Variants in NACA observed in about 807,000 individuals in gnomAD.
NACA encodes nascent polypeptide-associated complex subunit alpha.
NACA carries 42 observed loss-of-function variants against 86.4 expected under a neutral mutation model. The ratio of observed to expected loss-of-function variants is 0.49; its 90% CI spans 0.38 to 0.63. NACA has a LOEUF of 0.63. NACA is among the 20% of genes least tolerant of loss of function. The probability of loss-of-function intolerance (pLI) is 0.00; values close to 1 mark genes in which losing one functional copy is unlikely to be tolerated. For missense variants in NACA, 2,157 were observed against 2,483.6 expected (o/e 0.87, Z 2.80); for synonymous variants, 898 against 973.7 (o/e 0.92, Z 1.45).
At position 56,718,430 on chromosome 12, in the gene NACA, TGGATGCCCCTTTGGGGAATG is replaced by T; in HGVS notation, c.3080_3099del (p.Pro1027HisfsTer311). 1.7e-6 allele frequency: 2 copies of T among 1,168,496 alleles called. No homozygotes were observed. Among genetic ancestry groups the T allele is most frequent in the Admixed American group, 4.1e-5 (1 of 24,310 alleles). 72.4% of individuals were successfully genotyped at this position (1,168,496 alleles called of 1,614,324 possible). On this transcript the variant is annotated frameshift_variant, in exon 3 of 9. Transcript: ENST00000454682. LOFTEE classifies it high-confidence loss of function. The stretch of plus-strand genomic sequence containing the variant: ...GAGGGAGGAGTTGCAGCTGGGGGTG[TGGATGCCCCTTTGGGGAATG>T]GGGTAGCTGCTGGACTTCCTTTGGG...
chr12:56,719,291 C>T lies in NACA; in HGVS notation c.2239G>A (p.Gly747Ser). Residue 747 changes from glycine (G) to serine (S), a missense_variant, in exon 3 of 9, where the codon GGT (glycine) becomes AGT (serine). Coordinates refer to ENST00000454682, the MANE Select transcript of NACA (RefSeq NM_001365896.1). ...PSLPPAGTPP[G>S]TKKVDGISHT... ...GAAATACCATCAACCTTTTTTGTAC[C>T]TGGAGGAGTCCCAGCTGGGGGAAGA... 3 of 1,592,540 alleles carry T rather than the reference C, an allele frequency of 1.9e-6. No homozygotes were observed. The highest frequency in any genetic ancestry group is 2.6e-6 in the Non-Finnish European group (3 of 1,166,778).
chr12:56,718,436 C>T lies in NACA; in HGVS notation c.3094G>A (p.Ala1032Thr). Residue 1032 changes from alanine (A) to threonine (T), a missense_variant, in exon 3 of 9, where the codon GCA becomes ACA. Ala to Thr is a moderately conservative substitution (Grantham distance 58). This residue lies in a region of NACA where 124 missense variants were observed against 186.5 expected (regional missense o/e 0.66). Coordinates refer to ENST00000454682, the MANE Select transcript of NACA (RefSeq NM_001365896.1). ...GGAGTTGCAGCTGGGGGTGTGGATG[C>T]CCCTTTGGGGAATGGGGTAGCTGCT... is the stretch of plus-strand genomic sequence containing the variant. ...SPAATPFPKGASTPPAATPPS... is the reference protein window; with the variant it reads ...SPAATPFPKGTSTPPAATPPS... 2.5e-6 allele frequency: 3 copies of T among 1,214,478 alleles called. No individual in the cohort carries two copies. Among genetic ancestry groups the T allele is most frequent in the Non-Finnish European group, 3.1e-6 (3 of 961,302 alleles). 75.2% of individuals were successfully genotyped at this position (1,214,478 alleles called of 1,614,324 possible).
rs1953665824 is a variant in NACA at position 56,724,743 on chromosome 12, CCGAGGGAGAGGATCCCGGGCTGGCTCT to C, written c.-2-247_-2-221del. The stretch of plus-strand genomic sequence containing the variant: ...CAGCAATTCCCACTGCATTCTCAAC[CCGAGGGAGAGGATCCCGGGCTGGCTCT>C]CGATCATGGGAGACTTCAGACGCTA... On this transcript the variant is annotated intron_variant, in intron 1 of 8. Transcript: ENST00000454682. 16 of 540,396 alleles carry C rather than the reference CCGAGGGAGAGGATCCCGGGCTGGCTCT, an allele frequency of 3.0e-5. No homozygotes were observed. The South Asian group carries it at 3.6e-4, about 12-fold the overall frequency. The allele number at this position is 540,396 out of a possible 1,614,324, so 33.5% of individuals were successfully genotyped here. A position where few individuals can be genotyped will look rare whatever the true frequency, so the allele number is the denominator to read the frequency against.
Position 56,716,506 on chromosome 12 carries a change from T to C in NACA, c.5024A>G (p.Lys1675Arg). 2.0e-6 allele frequency: 3 copies of C among 1,509,438 alleles called. No individual in the cohort carries two copies. Among genetic ancestry groups the C allele is most frequent in the Non-Finnish European group, 1.8e-6 (2 of 1,113,846 alleles). The allele number at this position is 1,509,438 out of a possible 1,614,324, so 93.5% of individuals were successfully genotyped here. ...TTCTTTCAGAGCTGTGGGGCCTTTC[T>C]TTGCTGGAAGCCCTTTAGATGCTTG... is the stretch of plus-strand genomic sequence containing the variant. ...VPQASKGLPA[K>R]KGPTALKEVL... Residue 1675 changes from lysine to arginine, a missense_variant, in exon 3 of 9, where the codon AAG (lysine) becomes AGG (arginine). Around this residue, in one of 8 missense-constraint regions of NACA, gnomAD observed 797 missense variants for 777.6 expected, o/e 1.02. Coordinates refer to ENST00000454682, the MANE Select transcript of NACA (RefSeq NM_001365896.1).
At position 56,717,275 on chromosome 12, in the gene NACA, G is replaced by A. The variant is rs768140778; in HGVS notation, c.4255C>T (p.Pro1419Ser). The A allele has an allele frequency of 7.5e-7, 1 of 1,339,810 alleles. No individual in the cohort carries two copies. Among genetic ancestry groups the A allele is most frequent in the Non-Finnish European group, 9.8e-7 (1 of 1,023,114 alleles). The allele number at this position is 1,339,810 out of a possible 1,614,324, so 83.0% of individuals were successfully genotyped here. Residue 1419 changes from proline (P) to serine (S), a missense_variant, in exon 3 of 9, where the codon CCA becomes TCA. Coordinates refer to ENST00000454682, the MANE Select transcript of NACA (RefSeq NM_001365896.1). Reference protein sequence around the residue: ...PLSPKKAPATPVTREGAATPS... With the variant: ...PLSPKKAPATSVTREGAATPS... Reference sequence around the variant, plus strand: ...GTGGCTGCGCCTTCTCTGGTGACTGGAGTTGCTGGAGCCTTTTTGGGGGAG... The same window carrying A: ...GTGGCTGCGCCTTCTCTGGTGACTGAAGTTGCTGGAGCCTTTTTGGGGGAG...
Position 56,716,050 on chromosome 12 carries a change from G to A in NACA, c.5480C>T (p.Ser1827Leu), listed in dbSNP as rs542178898. Residue 1827 changes from serine to leucine, a missense_variant, in exon 3 of 9, where the codon TCA becomes TTA. Ser to Leu is a moderately radical substitution (Grantham distance 145). This residue lies in a region of NACA where 797 missense variants were observed against 777.6 expected (regional missense o/e 1.02). Transcript: ENST00000454682. ...AGCAGGGGCAAGGGGTTTAGAGGGT[G>A]ATTCCAACACCAGCCCAGGAGAGGA... Reference protein sequence around the residue: ...LPSSPGLVLESPSKPLAPADE... With the variant: ...LPSSPGLVLELPSKPLAPADE... The A allele has an allele frequency of 8.1e-6, 13 of 1,610,836 alleles. No homozygotes were observed. The highest frequency in any genetic ancestry group is 3.3e-5 in the Admixed American group (2 of 59,922).
At position 56,721,349 on chromosome 12, in the gene NACA, C is replaced by T. The variant is rs1423285366; in HGVS notation, c.181G>A (p.Ala61Thr). Residue 61 changes from alanine (A) to threonine (T), a missense_variant, in exon 3 of 9, where the codon GCT becomes ACT. Ala to Thr is a moderately conservative substitution (Grantham distance 58, BLOSUM62 0). Coordinates refer to ENST00000454682, the MANE Select transcript of NACA (RefSeq NM_001365896.1). Reference protein sequence around the residue: ...PAPQQCPLSAANQASPFPSPS... With the variant: ...PAPQQCPLSATNQASPFPSPS... The stretch of plus-strand genomic sequence containing the variant: ...GAAGGGAATGGGGAAGCCTGGTTAG[C>T]AGCTGAGAGAGGGCACTGTTGTGGG... The T allele has an allele frequency of 6.2e-7, 1 of 1,606,306 alleles. No homozygotes were observed. The highest frequency in any genetic ancestry group is 8.5e-7 in the Non-Finnish European group (1 of 1,176,962).
chr12:56,720,440 T>C lies in NACA; in HGVS notation c.1090A>G (p.Asn364Asp), dbSNP rs765640599. ...GCCACAGTAGCAGGAACTACCTCAT[T>C]TCTGGAAGGAAGGGGAGGAATTACA... ...RSVIPPLPSR[N>D]EVVPATVAAF... The change falls in exon 3 of 9, where the codon AAT becomes GAT. Residue 364 changes from asparagine (N) to aspartate (D), a missense_variant. Physicochemically the swap from Asn to Asp is conservative, Grantham distance 23. Around this residue, in one of 8 missense-constraint regions of NACA, gnomAD observed 947 missense variants for 917.9 expected, o/e 1.03. Transcript: ENST00000454682. 1.2e-6 allele frequency: 2 copies of C among 1,613,608 alleles called. No individual in the cohort carries two copies. The highest frequency in any genetic ancestry group is 2.2e-5 in the South Asian group (2 of 91,074).
chr12:56,721,141 G>T lies in NACA; in HGVS notation c.389C>A (p.Thr130Asn), dbSNP rs1953564266. 1.2e-6 allele frequency: 2 copies of T among 1,613,748 alleles called. No homozygotes were observed. Among genetic ancestry groups the T allele is most frequent in the Non-Finnish European group, 1.7e-6 (2 of 1,179,848 alleles). The change falls in exon 3 of 9, where the codon ACC (threonine) becomes AAC (asparagine). Residue 130 changes from threonine to asparagine, a missense_variant. This residue lies in a region of NACA where 947 missense variants were observed against 917.9 expected (regional missense o/e 1.03). Transcript: ENST00000454682. The part of the protein sequence containing the change: ...SPMIAPTLKG[T>N]PSSSAPLALV... ...AGCTAAGGGAGCTGAAGAGGAAGGG[G>T]TCCCTTTCAGAGTTGGAGCTATCAT... is the stretch of plus-strand genomic sequence containing the variant.
chr12:56,714,477 A>G lies in NACA; in HGVS notation c.5746-38T>C, dbSNP rs746621448. Reference sequence around the variant, plus strand: ...AACAGCTATTAGTTAACCAGAATCTAAGATCTGGATAGCACAATCTCCTTG... The same window carrying G: ...AACAGCTATTAGTTAACCAGAATCTGAGATCTGGATAGCACAATCTCCTTG... On this transcript the variant is annotated intron_variant, in intron 4 of 8. Coordinates refer to ENST00000454682, the MANE Select transcript of NACA (RefSeq NM_001365896.1). 3.7e-6 allele frequency: 6 copies of G among 1,609,652 alleles called. No homozygotes were observed. In the South Asian group the frequency reaches 4.4e-5, roughly 12 times the overall value.
At position 56,717,390 on chromosome 12, in the gene NACA, T is replaced by G. The variant is rs1423555046; in HGVS notation, c.4140A>C (p.Gly1380=). 1.6e-6 allele frequency: 2 copies of G among 1,289,982 alleles called. No homozygotes were observed. Among genetic ancestry groups the G allele is most frequent in the African/African-American group, 3.3e-5 (2 of 60,158 alleles). The allele number at this position is 1,289,982 out of a possible 1,614,324, so 79.9% of individuals were successfully genotyped here. ...GGGAGGGAGGAGTCATAGCGGGACC[T>G]CCTTTGTGGGAGGGGGTTGCAGCTG... ...TPPAATPSHK[G]GPAMTPPSPK... The change falls in exon 3 of 9, where the codon GGA becomes GGC. Residue 1380 remains glycine, a synonymous_variant. Coordinates refer to ENST00000454682, the MANE Select transcript of NACA (RefSeq NM_001365896.1).
In NACA at chr12:56,721,329, G is replaced by GA; in HGVS notation, c.200dup (p.Ser69PhefsTer30). ...TCGAGGCAATAGTAGAGGGGGAAGG[G>GA]AATGGGGAAGCCTGGTTAGCAGCTG... On this transcript the variant is annotated frameshift_variant, in exon 3 of 9. Coordinates refer to ENST00000454682, the MANE Select transcript of NACA (RefSeq NM_001365896.1). LOFTEE classifies it high-confidence loss of function. 6.2e-7 allele frequency: 1 copy of GA among 1,610,822 alleles called. No homozygotes were observed.
In NACA at chr12:56,716,647, G is replaced by A; in HGVS notation, c.4883C>T (p.Pro1628Leu). 6.9e-7 allele frequency: 1 copy of A among 1,443,652 alleles called. No individual in the cohort carries two copies. Among genetic ancestry groups the A allele is most frequent in the Non-Finnish European group, 9.3e-7 (1 of 1,070,596 alleles). 89.4% of individuals were successfully genotyped at this position (1,443,652 alleles called of 1,614,324 possible). A position where few individuals can be genotyped will look rare whatever the true frequency, so the allele number is the denominator to read the frequency against. Reference sequence around the variant, plus strand: ...AGTCCCTTTGGGGGCTGGAGTTGCTGGGCCCTTTTCGGGGGATGGAGGAGT... The same window carrying A: ...AGTCCCTTTGGGGGCTGGAGTTGCTAGGCCCTTTTCGGGGGATGGAGGAGT... ...AVTPPSPEKG[P>L]ATPAPKGTPT... Residue 1628 changes from proline to leucine, a missense_variant, in exon 3 of 9, where the codon CCA becomes CTA. Transcript: ENST00000454682.
chr12:56,713,026 G>A (rs898609), intron 7 of NACA, 36 bp downstream of exon 7: 1,024,469 of 1,612,110 alleles, frequency 0.64, 329,568 homozygotes, highest in South Asian at 0.74. Flanking sequence ...AATGCTATAC[G>A]GCGAGAGTTA....
In NACA at chr12:56,717,295, G is replaced by C. The variant is rs575729172; in HGVS notation, c.4235C>G (p.Pro1412Arg). 2 of 1,342,994 alleles carry C rather than the reference G, an allele frequency of 1.5e-6. No homozygotes were observed. Among genetic ancestry groups the C allele is most frequent in the Admixed American group, 2.6e-5 (1 of 38,058 alleles). The allele number at this position is 1,342,994 out of a possible 1,614,324, so 83.2% of individuals were successfully genotyped here. ...GACTGGAGTTGCTGGAGCCTTTTTG[G>C]GGGAGAGAGGAATCACTGCTGGGGA... ...PTSPAVIPLSPKKAPATPVTR... is the reference protein window; with the variant it reads ...PTSPAVIPLSRKKAPATPVTR... Residue 1412 changes from proline to arginine, a missense_variant, in exon 3 of 9, where the codon CCC (proline) becomes CGC (arginine). Pro to Arg is a moderately radical substitution (Grantham distance 103). This residue lies in a region of NACA where 797 missense variants were observed against 777.6 expected (regional missense o/e 1.02). Coordinates refer to ENST00000454682, the MANE Select transcript of NACA (RefSeq NM_001365896.1).
In NACA at chr12:56,721,323, G is replaced by A. The variant is rs749881605; in HGVS notation, c.207C>T (p.Ser69=). ...AAGGGGTCGAGGCAATAGTAGAGGG[G>A]GAAGGGAATGGGGAAGCCTGGTTAG... ...SAANQASPFP[S]PSTIASTPLE... Residue 69 remains serine (S), a synonymous_variant, in exon 3 of 9, where the codon TCC becomes TCT. Transcript: ENST00000454682. 25 of 1,611,698 alleles carry A rather than the reference G, an allele frequency of 1.6e-5. No homozygotes were observed. Among genetic ancestry groups the A allele is most frequent in the African/African-American group, 2.7e-5 (2 of 74,756 alleles).
Position 56,717,694 on chromosome 12 carries a change from G to C in NACA, c.3836C>G (p.Ala1279Gly), listed in dbSNP as rs749894653. 8 of 1,155,968 alleles carry C rather than the reference G, an allele frequency of 6.9e-6. No individual in the cohort carries two copies. The South Asian group carries it at 2.0e-4, about 29-fold the overall frequency. The allele number at this position is 1,155,968 out of a possible 1,614,324, so 71.6% of individuals were successfully genotyped here. The change falls in exon 3 of 9, where the codon GCT becomes GGT. Residue 1279 changes from alanine (A) to glycine (G), a missense_variant. Around this residue, in one of 8 missense-constraint regions of NACA, gnomAD observed 797 missense variants for 777.6 expected, o/e 1.02. Coordinates refer to ENST00000454682, the MANE Select transcript of NACA (RefSeq NM_001365896.1). ...GGGGGCCCCTTTGTGGGGTGGGGTAGCTAGACCTCCTTTTAGGGAGGGAGG... is the reference window on the plus strand; with the variant it reads ...GGGGGCCCCTTTGTGGGGTGGGGTACCTAGACCTCCTTTTAGGGAGGGAGG... ...ATPPSLKGGL[A>G]TPPHKGAPNP...
At chr12:56,712,948 G>C (rs779150027) in intron 7 of NACA, 40 bp from the exon 8 acceptor site, 1 of 1,613,616 alleles carries the variant, frequency 6.2e-7, no homozygotes, top group Admixed American at 1.7e-5. Context: ...TTAAAGGCAA[G>C]AACAATTTCA....
intron 6 of NACA, 30 bp downstream of exon 6, chr12:56,713,507 T>C: frequency 6.2e-7 from 1 of 1,611,498 alleles, no homozygotes; most frequent in Non-Finnish European, 8.5e-7. Flanking sequence ...AACCCTGGTC[T>C]GGAACAATGC....
Sources: allele counts gnomAD v4.1 joint callset, GRCh38; gene constraint gnomAD v4.1.1; regional missense constraint gnomAD v4.1.1; transcripts MANE v1.5; gene names NCBI Gene and HGNC (gene_info 2026-07-23, HGNC 2026-07-21).